Variants in PLSCR2 observed in about 807,000 individuals in gnomAD.
The protein encoded by PLSCR2 is PL scramblase 2.
Under a neutral mutation model 25.3 loss-of-function variants are expected in PLSCR2, and 18 were observed. The observed-to-expected ratio is 0.71, with a 90% CI of 0.49 to 1.06. The LOEUF is 1.06. PLSCR2 is among the 50% of genes least tolerant of loss of function. The probability of loss-of-function intolerance (pLI) is 0.00; values close to 1 mark genes in which losing one functional copy is unlikely to be tolerated. For missense variants in PLSCR2, 243 were observed against 269.5 expected (o/e 0.90, Z 0.69); for synonymous variants, 88 against 87.3 (o/e 1.01, Z -0.04).
chr3:146,413,579 G>A (rs1286426077), intron 2 of PLSCR2, among the ~76,000 whole-genome samples: 1 of 152,154 alleles, frequency 6.6e-6, no homozygotes, highest in African/African-American at 2.4e-5. Context: ...ACACAACTCT[G>A]CCAAGTTCTC....
intron 6 of PLSCR2, among the ~76,000 whole-genome samples, chr3:146,445,195 C>T (rs191502655): frequency 1.7e-4 from 26 of 152,154 alleles, no homozygotes; most frequent in African/African-American, 6.3e-4. Flanking sequence ...GAGTAGTTTG[C>T]ACACTACAAT....
At chr3:146,458,423 C>G (rs756982915) in exon 3 of PLSCR2, 18 of 1,504,110 alleles carry the variant, frequency 1.2e-5, no homozygotes, top group Non-Finnish European at 1.5e-5. Context: ...TCCAGAAGTT[C>G]AATTTGCTGA....
upstream of PLSCR2, among the ~76,000 whole-genome samples, chr3:146,460,837 G>A (rs917365077): frequency 3.9e-5 from 6 of 152,170 alleles, no homozygotes; most frequent in African/African-American, 7.2e-5. Context: ...AATGGGTTAC[G>A]AGGAGTTTTA....
At chr3:146,401,793 C>A (rs1355231246) in intron 2 of PLSCR2, among the ~76,000 whole-genome samples, 3 of 151,754 alleles carry the variant, frequency 2.0e-5, no homozygotes, top group Non-Finnish European at 2.9e-5. Flanking sequence ...TTTTTGGTAT[C>A]CTTTTTGAAT....
intron 1 of PLSCR2, among the ~76,000 whole-genome samples, chr3:146,488,366 G>C (rs1416624067): frequency 6.6e-6 from 1 of 152,074 alleles, no homozygotes; most frequent in African/African-American, 2.4e-5. Context: ...GACAGCAAAA[G>C]AAATTAGCAT....
intron 6 of PLSCR2, 59 bp from the exon 7 acceptor site, chr3:146,441,880 A>G: frequency 1.9e-6 from 2 of 1,029,500 alleles, no homozygotes; most frequent in Non-Finnish European, 3.0e-6. Context: ...GATCAGATGC[A>G]GAAATGCTAA....
chr3:146,482,097 A>T (rs532196460), intron 1 of PLSCR2, among the ~76,000 whole-genome samples: 10 of 152,328 alleles, frequency 6.6e-5, no homozygotes, highest in African/African-American at 2.4e-4. Flanking sequence ...TAATGACTTA[A>T]ATTTTAGACC....
At chr3:146,478,172 A>T (rs536474) in intron 1 of PLSCR2, among the ~76,000 whole-genome samples, 34,737 of 152,048 alleles carry the variant, frequency 0.23, 4,014 homozygotes, top group South Asian at 0.34. Flanking sequence ...AAACCAGAGC[A>T]CCCCTTCTCC....
At chr3:146,433,962 A>G (rs1281579941) in intron 8 of PLSCR2, among the ~76,000 whole-genome samples, 3 of 152,152 alleles carry the variant, frequency 2.0e-5, no homozygotes, top group Non-Finnish European at 4.4e-5. Context: ...TCCTAAGCAT[A>G]CTTTTCTTTG....
At chr3:146,393,912 A>G (rs537705923) in intron 3 of PLSCR2, among the ~76,000 whole-genome samples, 31 of 151,938 alleles carry the variant, frequency 2.0e-4, no homozygotes, top group African/African-American at 7.5e-4. Flanking sequence ...TATATCTAGT[A>G]TAAATGAAGA....
intron 5 of PLSCR2, among the ~76,000 whole-genome samples, chr3:146,452,259 A>T (rs1359885876): frequency 6.6e-6 from 1 of 152,190 alleles, no homozygotes; most frequent in Non-Finnish European, 1.5e-5. Flanking sequence ...CACATTTGGT[A>T]TCAGAAGTAT....
intron 6 of PLSCR2, among the ~76,000 whole-genome samples, chr3:146,444,084 T>G (rs966077036): frequency 1.1e-4 from 16 of 152,032 alleles, no homozygotes; most frequent in African/African-American, 3.9e-4. Context: ...GTTCCTCTTG[T>G]TATTGATTTC....
rs78699892 is a variant in PLSCR2 at position 146,414,469 on chromosome 3, G to A, written c.101-18548C>T. On this transcript the variant is annotated intron_variant and NMD_transcript_variant, in intron 2 of 3. Transcript: ENST00000463633. ...AAATAAAACAATTTAGTATAATTCAGCAAGAAAAAAACAAAGAAAGCATCC... is the reference window on the plus strand; with the variant it reads ...AAATAAAACAATTTAGTATAATTCAACAAGAAAAAAACAAAGAAAGCATCC... Among the ~76,000 whole-genome samples, 751 of 152,184 alleles carry A rather than the reference G, an allele frequency of 4.9e-3. 8 individuals carry two copies. Among genetic ancestry groups the A allele is most frequent in the African/African-American group, 0.016 (665 of 41,520 alleles).
intron 5 of PLSCR2, among the ~76,000 whole-genome samples, chr3:146,449,773 GAGGTGCAC>G (rs1265812611): frequency 6.6e-6 from 1 of 152,112 alleles, no homozygotes; most frequent in African/African-American, 2.4e-5. Context: ...CTGCTTTTTA[GAGGTGCAC>G]AGGGAGTTTA....
chr3:146,483,657 A>C (rs2043240399), intron 1 of PLSCR2, among the ~76,000 whole-genome samples: 1 of 151,130 alleles, frequency 6.6e-6, no homozygotes, highest in African/African-American at 2.4e-5. Context: ...TAGGGCCTGA[A>C]GTAAACCCCT....
At chr3:146,419,422 C>T (rs902726308) in intron 2 of PLSCR2, among the ~76,000 whole-genome samples, 10 of 152,064 alleles carry the variant, frequency 6.6e-5, no homozygotes, top group African/African-American at 2.4e-4. Context: ...AAACCCATTA[C>T]ACAATTCCAA....
At chr3:146,469,314 A>C (rs2108485995) in intron 1 of PLSCR2, 181 bp downstream of exon 1, 5 of 985,568 alleles carry the variant, frequency 5.1e-6, no homozygotes, top group South Asian at 4.7e-5. Context: ...GCCAGGGTAC[A>C]GCTGGGCCGC....
chr3:146,478,749 C>A (rs948127529), intron 1 of PLSCR2, among the ~76,000 whole-genome samples: 8 of 152,150 alleles, frequency 5.3e-5, no homozygotes, highest in Non-Finnish European at 1.2e-4. Flanking sequence ...GAGAACACCA[C>A]AAAGATACTC....
upstream of PLSCR2, chr3:146,461,892 T>G (rs1560030501): frequency 1.3e-6 from 2 of 1,500,078 alleles, no homozygotes; most frequent in African/African-American, 2.8e-5. Flanking sequence ...TGCGAAGTTT[T>G]CAGGAGTGCC....
Sources: allele counts gnomAD v4.1 joint callset (sites outside exome capture counted in the v4.1 genomes callset), GRCh38; gene constraint gnomAD v4.1.1; transcripts MANE v1.5; gene names NCBI Gene and HGNC (gene_info 2026-07-23, HGNC 2026-07-21).